NME7: variants seen among roughly 807,000 people sequenced by gnomAD.
NME7 encodes the protein nucleoside diphosphate kinase 7.
In NME7, 41 loss-of-function variants were observed where a neutral mutation model predicts 49.1. The ratio of observed to expected loss-of-function variants is 0.83; its 90% CI spans 0.65 to 1.08. The LOEUF (loss-of-function observed/expected upper bound fraction) is 1.08, where lower values mean the gene tolerates loss of function less well. NME7 is among the 50% of genes least tolerant of loss of function. The pLI is 0.00. For synonymous variants in NME7, 139 were observed against 150.6 expected (o/e 0.92, Z 0.56); for missense variants, 423 against 463.4 (o/e 0.91, Z 0.80).
intron 7 of NME7, among the ~76,000 whole-genome samples, chr1:169,280,221 G>C (rs1649948782): frequency 6.6e-6 from 1 of 152,176 alleles, no homozygotes; most frequent in Admixed American, 6.5e-5. Flanking sequence ...CAGGGATGAG[G>C]AGCATTTTTT....
chr1:169,361,136 T>A (rs1238583661), intron 1 of NME7, among the ~76,000 whole-genome samples: 1 of 152,118 alleles, frequency 6.6e-6, no homozygotes, highest in East Asian at 1.9e-4. Context: ...ATAAATACTT[T>A]CTCGAATAGA....
At chr1:169,340,873 C>T (rs1462674380) in intron 1 of NME7, among the ~76,000 whole-genome samples, 7 of 152,118 alleles carry the variant, frequency 4.6e-5, no homozygotes, top group Admixed American at 6.6e-5. Flanking sequence ...AAGAGGTGAC[C>T]TGGCATTTTC....
chr1:169,187,579 T>A (rs1018515341), intron 10 of NME7, among the ~76,000 whole-genome samples: 1 of 152,140 alleles, frequency 6.6e-6, no homozygotes, highest in Non-Finnish European at 1.5e-5. Context: ...CCTGCTTTTT[T>A]ATTTTTTTCT....
chr1:169,337,484 G>A (rs151002214), intron 1 of NME7, among the ~76,000 whole-genome samples: 4,606 of 152,292 alleles, frequency 0.03, 108 homozygotes, highest in Non-Finnish European at 0.043. Context: ...TGCAAGCTGA[G>A]GGAGTGGGCT....
At chr1:169,182,174 T>TTAAAAAA (rs375877498) in intron 10 of NME7, among the ~76,000 whole-genome samples, 5 of 134,060 alleles carry the variant, frequency 3.7e-5, no homozygotes, top group Non-Finnish European at 7.9e-5. Flanking sequence ...CTAGCTAATT[T>TTAAAAAA]AAAAAAAAAA....
At chr1:169,242,584 C>A (rs1457783554) in intron 7 of NME7, among the ~76,000 whole-genome samples, 1 of 150,844 alleles carries the variant, frequency 6.6e-6, no homozygotes, top group Non-Finnish European at 1.5e-5. Flanking sequence ...TGCAACCAGA[C>A]AAGAAAAGGA....
intron 1 of NME7, among the ~76,000 whole-genome samples, chr1:169,328,647 T>C (rs1652150468): frequency 2.0e-5 from 3 of 152,150 alleles, no homozygotes; most frequent in Non-Finnish European, 4.4e-5. Flanking sequence ...ATTGAACATA[T>C]AATACTAGGT....
intron 10 of NME7, among the ~76,000 whole-genome samples, chr1:169,174,829 CGTGAGTGAGTG>C (rs1216473261): frequency 6.6e-6 from 1 of 152,030 alleles, no homozygotes; most frequent in Non-Finnish European, 1.5e-5. Context: ...TAGGTGAGTC[CGTGAGTGAGTG>C]GTGAGTGAGT....
intron 6 of NME7, among the ~76,000 whole-genome samples, chr1:169,293,897 C>T (rs1650610900): frequency 6.6e-6 from 1 of 152,122 alleles, no homozygotes; most frequent in Non-Finnish European, 1.5e-5. Context: ...AGATCTCCCA[C>T]ATCTTTTGTT....
intron 11 of NME7, among the ~76,000 whole-genome samples, chr1:169,134,664 C>T (rs1274093192): frequency 6.6e-6 from 1 of 152,084 alleles, no homozygotes; most frequent in Admixed American, 6.5e-5. Context: ...AAGATGTTAC[C>T]TAGCTAGGAT....
intron 4 of NME7, among the ~76,000 whole-genome samples, chr1:169,306,609 T>C (rs1310740957): frequency 1.3e-5 from 2 of 152,152 alleles, no homozygotes; most frequent in Non-Finnish European, 2.9e-5. Flanking sequence ...ACTTTCAGAT[T>C]GACAGTTGCA....
intron 11 of NME7, among the ~76,000 whole-genome samples, chr1:169,165,244 T>C (rs1265872189): frequency 6.6e-6 from 1 of 152,116 alleles, no homozygotes; most frequent in African/African-American, 2.4e-5. Context: ...AAATGAATTG[T>C]TTGATCCTAT....
At chr1:169,342,563 G>A (rs1456987731) in intron 1 of NME7, among the ~76,000 whole-genome samples, 3 of 93,798 alleles carry the variant, frequency 3.2e-5, no homozygotes, top group Non-Finnish European at 4.3e-5. Context: ...ATATATACAA[G>A]TACATATATA....
intron 7 of NME7, among the ~76,000 whole-genome samples, chr1:169,281,046 C>T (rs1446125273): frequency 6.6e-6 from 1 of 152,070 alleles, no homozygotes; most frequent in African/African-American, 2.4e-5. Context: ...TTACTTTCAG[C>T]AATATGGCCA....
intron 1 of NME7, among the ~76,000 whole-genome samples, chr1:169,330,761 T>C (rs1652224919): frequency 6.6e-6 from 1 of 152,126 alleles, no homozygotes; most frequent in African/African-American, 2.4e-5. Flanking sequence ...AGCAACTATA[T>C]GCCAATAAAC....
At chr1:169,230,120 C>A (rs926521084) in intron 10 of NME7, among the ~76,000 whole-genome samples, 1 of 152,016 alleles carries the variant, frequency 6.6e-6, no homozygotes, top group African/African-American at 2.4e-5. Context: ...TTCCCATAAT[C>A]CTATCAAGTT....
At chr1:169,195,342 G>A (rs931574688) in intron 10 of NME7, among the ~76,000 whole-genome samples, 7 of 151,966 alleles carry the variant, frequency 4.6e-5, no homozygotes, top group Admixed American at 3.3e-4. Context: ...TTCCTGAGTC[G>A]CTGGGACTAC....
chr1:169,190,527 T>G (rs1660187736), intron 10 of NME7: 5 of 281,664 alleles, frequency 1.8e-5, no homozygotes, highest in South Asian at 1.5e-4. Flanking sequence ...TTCTTCTTTT[T>G]TTTTTGGAGG....
At chr1:169,306,745 C>T (rs1311998029) in intron 4 of NME7, among the ~76,000 whole-genome samples, 1 of 152,186 alleles carries the variant, frequency 6.6e-6, no homozygotes, top group African/African-American at 2.4e-5. Context: ...AAGCTGGATG[C>T]AGTGGCTCAT....
Sources: allele counts gnomAD v4.1 joint callset (sites outside exome capture counted in the v4.1 genomes callset), GRCh38; gene constraint gnomAD v4.1.1; transcripts MANE v1.5; gene names NCBI Gene and HGNC (gene_info 2026-07-23, HGNC 2026-07-21).